The following ARHGAP12 variants were observed in gnomAD, a reference collection of about 807,000 sequenced individuals.
ARHGAP12 encodes Rho GTPase activating protein 12.
In ARHGAP12, 64 loss-of-function variants were observed where a neutral mutation model predicts 108.6. That is an observed-to-expected ratio of 0.59 (90% confidence interval 0.48 to 0.73). The LOEUF is 0.73. Among genes scored for constraint, ARHGAP12 ranks in the 30% least tolerant of loss-of-function variants. ARHGAP12 has a pLI of 0.00. For missense variants in ARHGAP12, 940 were observed against 1,005.9 expected (o/e 0.93, Z 0.89); for synonymous variants, 312 against 337.2 (o/e 0.93, Z 0.82).
chr10:31,825,199 A>G (rs953178010), intron 11 of ARHGAP12, among the ~76,000 whole-genome samples: 3 of 152,164 alleles, frequency 2.0e-5, no homozygotes, highest in Admixed American at 6.5e-5. Flanking sequence ...AAGCTGAGGA[A>G]TAATGTGTTC....
intron 13 of ARHGAP12, among the ~76,000 whole-genome samples, chr10:31,814,595 GGTTA>G (rs1272109572): frequency 6.6e-6 from 1 of 151,818 alleles, no homozygotes; most frequent in Non-Finnish European, 1.5e-5. Flanking sequence ...CAGGATAATG[GGTTA>G]GTTTACACTG....
rs1233881826 is a variant in ARHGAP12 at position 31,839,296 on chromosome 10, G to A, written c.1386+9C>T. The A allele has an allele frequency of 1.2e-6, 2 of 1,608,778 alleles. No homozygotes were observed. The highest frequency in any genetic ancestry group is 1.7e-6 in the Non-Finnish European group (2 of 1,176,420). ...TATGCCTATTAAGAAGGAGAGGATT[G>A]CTTCTTACCTTTGGACTGCTGGCCT... On this transcript the variant is annotated intron_variant, in intron 9 of 19. Coordinates refer to ENST00000344936, the MANE Select transcript of ARHGAP12 (RefSeq NM_018287.7).
rs745742281 is a variant in ARHGAP12, at chr10:31,861,413, T to C, written c.930A>G (p.Gln310=). The change falls in exon 4 of 20, where the codon CAA becomes CAG. Residue 310 remains glutamine, a synonymous_variant. Coordinates refer to ENST00000344936, the MANE Select transcript of ARHGAP12 (RefSeq NM_018287.7). ...RDASISKGDF[Q]NPGDQELLSS... is the part of the protein sequence containing the mutation. ...CTCATACCTCTTGATCCCCTGGATT[T>C]TGGAAATCTCCTTTGCTGATGCTTG... is the stretch of plus-strand genomic sequence containing the variant. 2.7e-5 allele frequency: 44 copies of C among 1,612,680 alleles called. No individual in the cohort carries two copies. Among genetic ancestry groups the C allele is most frequent in the Middle Eastern group, 1.6e-4 (1 of 6,080 alleles).
intron 3 of ARHGAP12, among the ~76,000 whole-genome samples, chr10:31,901,624 T>G (rs950500660): frequency 1.3e-5 from 2 of 151,692 alleles, no homozygotes; most frequent in African/African-American, 4.9e-5. Context: ...TCTGAAAATG[T>G]GTAGAATCTG....
At chr10:31,828,853 T>A (rs1835723429) in intron 10 of ARHGAP12, among the ~76,000 whole-genome samples, 1 of 152,124 alleles carries the variant, frequency 6.6e-6, no homozygotes, top group East Asian at 1.9e-4. Context: ...AACAAAAAAT[T>A]AAAACTTTCA....
At chr10:31,899,106 G>C (rs1217260757) in intron 3 of ARHGAP12, among the ~76,000 whole-genome samples, 2 of 152,272 alleles carry the variant, frequency 1.3e-5, no homozygotes, top group East Asian at 3.9e-4. Context: ...TAAAATAAAA[G>C]GTCCAGAATC....
chr10:31,830,819 T>C (rs1429500346), intron 10 of ARHGAP12, among the ~76,000 whole-genome samples: 2 of 152,218 alleles, frequency 1.3e-5, no homozygotes, highest in East Asian at 3.8e-4. Flanking sequence ...TACTGTAACC[T>C]ATTAAAAAGG....
intron 7 of ARHGAP12, among the ~76,000 whole-genome samples, chr10:31,841,263 T>G (rs1487098401): frequency 1.3e-5 from 2 of 152,090 alleles, no homozygotes; most frequent in African/African-American, 4.8e-5. Flanking sequence ...AACAGATGCA[T>G]TCACACATAC....
chr10:31,808,174 T>A (rs1035709082), intron 19 of ARHGAP12, among the ~76,000 whole-genome samples: 1 of 152,018 alleles, frequency 6.6e-6, no homozygotes, highest in African/African-American at 2.4e-5. Context: ...CTCATTAGGG[T>A]GTGGAGATTA....
chr10:31,809,382 G>T, intron 16 of ARHGAP12, 75 bp from the exon 17 acceptor site: 1 of 1,338,728 alleles, frequency 7.5e-7, no homozygotes, highest in Non-Finnish European at 1.1e-6. Flanking sequence ...GTTTGCATGT[G>T]TCAGAATTCC....
intron 3 of ARHGAP12, among the ~76,000 whole-genome samples, chr10:31,868,802 G>A (rs1837430224): frequency 6.6e-6 from 1 of 151,710 alleles, no homozygotes; most frequent in African/African-American, 2.4e-5. Flanking sequence ...GGTGGCACAT[G>A]CCTGTGGTCC....
At chr10:31,898,306 T>C (rs893456101) in intron 3 of ARHGAP12, among the ~76,000 whole-genome samples, 2 of 152,108 alleles carry the variant, frequency 1.3e-5, no homozygotes, top group Non-Finnish European at 2.9e-5. Flanking sequence ...AATGAACATA[T>C]GAAAAGATGC....
chr10:31,851,139 C>G (rs1290958026), intron 6 of ARHGAP12, among the ~76,000 whole-genome samples: 1 of 151,978 alleles, frequency 6.6e-6, no homozygotes, highest in African/African-American at 2.4e-5. Context: ...TTCACTAATA[C>G]TAATATGTTA....
intron 3 of ARHGAP12, among the ~76,000 whole-genome samples, chr10:31,868,364 T>C (rs1837411477): frequency 6.7e-6 from 1 of 149,422 alleles, no homozygotes; most frequent in Non-Finnish European, 1.5e-5. Context: ...ATTAGTATTA[T>C]ATATGTTTTT....
intron 10 of ARHGAP12, among the ~76,000 whole-genome samples, chr10:31,827,966 GAAAT>G: frequency 6.6e-6 from 1 of 151,992 alleles, no homozygotes; most frequent in Non-Finnish European, 1.5e-5. Context: ...TACTACTAGT[GAAAT>G]AAAGTTAATT....
intron 3 of ARHGAP12, among the ~76,000 whole-genome samples, chr10:31,862,780 C>T (rs1184884381): frequency 6.6e-6 from 1 of 151,774 alleles, no homozygotes; most frequent in Non-Finnish European, 1.5e-5. Context: ...GAAAAGCCTC[C>T]AGACACTGAT....
At chr10:31,842,889 T>C (rs745455891) in intron 7 of ARHGAP12, among the ~76,000 whole-genome samples, 56 of 152,274 alleles carry the variant, frequency 3.7e-4, no homozygotes, top group African/African-American at 1.3e-3. Flanking sequence ...ACATCCATTC[T>C]AATGTTTGCA....
chr10:31,828,938 G>A (rs544235657), intron 10 of ARHGAP12, among the ~76,000 whole-genome samples: 1 of 152,294 alleles, frequency 6.6e-6, no homozygotes, highest in African/African-American at 2.4e-5. Flanking sequence ...GATCACCTGA[G>A]GTCAGGAGTT....
intron 2 of ARHGAP12, among the ~76,000 whole-genome samples, chr10:31,909,669 G>C (rs1260057117): frequency 6.6e-6 from 1 of 152,196 alleles, no homozygotes; most frequent in Non-Finnish European, 1.5e-5. Context: ...GCTGAGGCAG[G>C]TGGATTGCTT....
Sources: allele counts gnomAD v4.1 joint callset (sites outside exome capture counted in the v4.1 genomes callset), GRCh38; gene constraint gnomAD v4.1.1; transcripts MANE v1.5; gene names NCBI Gene and HGNC (gene_info 2026-07-23, HGNC 2026-07-21).